Variants in NFIB observed in about 807,000 individuals in gnomAD.
NFIB encodes nuclear factor 1 B-type.
Under a neutral mutation model 61.5 loss-of-function variants are expected in NFIB, and 11 were observed. That is an observed-to-expected ratio of 0.18 (90% CI 0.11 to 0.30). NFIB has a LOEUF of 0.30. Among genes scored for constraint, NFIB ranks in the 10% least tolerant of loss-of-function variants. The probability of loss-of-function intolerance (pLI) is 1.00; values close to 1 mark genes in which losing one functional copy is unlikely to be tolerated. For synonymous variants in NFIB, 260 were observed against 216.5 expected, an observed-to-expected ratio of 1.20 and a Z score of -1.76; for missense variants, 471 against 608.9, an observed-to-expected ratio of 0.77 and a Z score of 2.38.
chr9:14,439,748 G>C, the NFIB span, among the ~76,000 whole-genome samples: 1 of 152,274 alleles, frequency 6.6e-6, no homozygotes, highest in South Asian at 2.1e-4. Flanking sequence ...GGTCCGGACA[G>C]GTGGTTCCAA....
chr9:14,261,395 T>C lies in NFIB; in HGVS notation c.562+45594A>G, dbSNP rs138019038. The stretch of plus-strand genomic sequence containing the variant: ...AAAAGCAGTCACATCTCAAACCTTT[T>C]GTTTGAAGATAATATATACCATTCA... On this transcript the variant is annotated intron_variant, in intron 2 of 10. Transcript: ENST00000380953. Among the ~76,000 whole-genome samples, 417 of 152,302 alleles carry C rather than the reference T, an allele frequency of 2.7e-3. 2 individuals carry two copies. The highest frequency in any genetic ancestry group is 0.013 in the Admixed American group (202 of 15,296).
chr9:14,245,546 A>T, intron 2 of NFIB, among the ~76,000 whole-genome samples: 1 of 152,158 alleles, frequency 6.6e-6, no homozygotes, highest in East Asian at 1.9e-4. Context: ...ATACGTAAAC[A>T]CATGATTATA....
intron 10 of NFIB, among the ~76,000 whole-genome samples, chr9:14,106,431 A>G (rs1003246972): frequency 4.6e-5 from 7 of 152,142 alleles, no homozygotes; most frequent in Non-Finnish European, 8.8e-5. Flanking sequence ...AGCTATCAGT[A>G]AAGGGGGAAG....
At chr9:14,109,598 C>T (rs1194539663) in intron 10 of NFIB, among the ~76,000 whole-genome samples, 1 of 152,014 alleles carries the variant, frequency 6.6e-6, no homozygotes, top group African/African-American at 2.4e-5. Flanking sequence ...TCCCCCATGC[C>T]AATAGCGAAT....
chr9:14,359,781 C>CCAG (rs1229041908), intron 1 of NFIB, among the ~76,000 whole-genome samples: 3 of 151,966 alleles, frequency 2.0e-5, no homozygotes, highest in East Asian at 3.9e-4. Context: ...CTGGGTGGTT[C>CCAG]CATCTTTGCT....
chr9:14,458,631 T>C, the NFIB span, among the ~76,000 whole-genome samples: 1 of 152,106 alleles, frequency 6.6e-6, no homozygotes, highest in Non-Finnish European at 1.5e-5. Flanking sequence ...TCGTCTCAGC[T>C]CAAAATCTTC....
chr9:14,484,193 A>T, the NFIB span, among the ~76,000 whole-genome samples: 1 of 152,238 alleles, frequency 6.6e-6, no homozygotes, highest in Non-Finnish European at 1.5e-5. Flanking sequence ...TTTGCTGAGC[A>T]CTGTTCTGGG....
intron 3 of NFIB, among the ~76,000 whole-genome samples, chr9:14,170,014 T>C (rs1030465967): frequency 1.6e-4 from 25 of 152,352 alleles, no homozygotes; most frequent in Admixed American, 1.2e-3. Flanking sequence ...ATTAGACACA[T>C]ATCTACTTAA....
At chr9:14,489,590 A>C in the NFIB span, among the ~76,000 whole-genome samples, 4 of 152,150 alleles carry the variant, frequency 2.6e-5, no homozygotes, top group Non-Finnish European at 1.5e-5. Flanking sequence ...AGAGGAAGAA[A>C]GTCTCCTTCC....
intron 1 of NFIB, among the ~76,000 whole-genome samples, chr9:14,332,350 A>AAC (rs1785489332): frequency 6.9e-6 from 1 of 145,914 alleles, no homozygotes; most frequent in Non-Finnish European, 1.5e-5. Flanking sequence ...AAAAAAAAAA[A>AAC]CACACAAGAA....
the NFIB span, among the ~76,000 whole-genome samples, chr9:14,461,908 C>T: frequency 6.6e-6 from 1 of 152,134 alleles, no homozygotes; most frequent in Admixed American, 6.5e-5. Flanking sequence ...CAGGGAATAG[C>T]AAAAGCAAGG....
chr9:14,294,708 G>A (rs1449184960), intron 2 of NFIB, among the ~76,000 whole-genome samples: 1 of 152,220 alleles, frequency 6.6e-6, no homozygotes, highest in East Asian at 1.9e-4. Flanking sequence ...TGGACAAACA[G>A]TGAAATAACT....
At chr9:14,409,079 G>A in the NFIB span, among the ~76,000 whole-genome samples, 3 of 152,074 alleles carry the variant, frequency 2.0e-5, no homozygotes, top group Non-Finnish European at 4.4e-5. Flanking sequence ...TTCTGTGGTG[G>A]GGAAGAAGCC....
chr9:14,189,560 T>C (rs963122235), intron 2 of NFIB, among the ~76,000 whole-genome samples: 2 of 151,034 alleles, frequency 1.3e-5, no homozygotes, highest in African/African-American at 4.9e-5. Flanking sequence ...ATATATTTAA[T>C]GTTCTTTAAG....
At chr9:14,463,365 T>C in the NFIB span, among the ~76,000 whole-genome samples, 1 of 151,828 alleles carries the variant, frequency 6.6e-6, no homozygotes, top group African/African-American at 2.4e-5. Flanking sequence ...ATTCAATATG[T>C]AAAGATGTCA....
the NFIB span, among the ~76,000 whole-genome samples, chr9:14,437,942 C>T: frequency 6.6e-6 from 1 of 152,190 alleles, no homozygotes; most frequent in Non-Finnish European, 1.5e-5. Context: ...ATGAAGAATC[C>T]ACGGTTCCCT....
chr9:14,271,537 G>A (rs908204117), intron 2 of NFIB, among the ~76,000 whole-genome samples: 9 of 152,226 alleles, frequency 5.9e-5, no homozygotes, highest in East Asian at 1.9e-4. Flanking sequence ...GAATAAACAT[G>A]TATTAGGACC....
At chr9:14,244,795 G>A (rs2054728788) in intron 2 of NFIB, among the ~76,000 whole-genome samples, 1 of 152,108 alleles carries the variant, frequency 6.6e-6, no homozygotes, top group Non-Finnish European at 1.5e-5. Context: ...TAAAAAAATA[G>A]TAAATACTAT....
chr9:14,297,010 G>A (rs2059484280), intron 2 of NFIB, among the ~76,000 whole-genome samples: 2 of 152,090 alleles, frequency 1.3e-5, no homozygotes, highest in African/African-American at 4.8e-5. Flanking sequence ...TACAACACGT[G>A]TGTGCATGCG....
Sources: gnomAD v4.1 joint callset for allele counts (sites outside exome capture counted in the v4.1 genomes callset) on GRCh38, gnomAD v4.1.1 for gene constraint, MANE v1.5 for transcripts, NCBI Gene and HGNC (gene_info 2026-07-23, HGNC 2026-07-21) for gene names.